The following NRXN3 variants were observed in gnomAD, a reference collection of about 807,000 sequenced individuals.
NRXN3 encodes the protein neurexin 3, also known as neurexin III.
NRXN3 carries 32 observed loss-of-function variants against 137.6 expected under a neutral mutation model. The ratio of observed to expected loss-of-function variants is 0.23; its 90% CI spans 0.18 to 0.31. NRXN3 has a LOEUF of 0.31. Among genes scored for constraint, NRXN3 ranks in the 10% least tolerant of loss-of-function variants. The probability of loss-of-function intolerance (pLI) is 1.00; values close to 1 mark genes in which losing one functional copy is unlikely to be tolerated. For synonymous variants in NRXN3, 798 were observed against 784.5 expected, an observed-to-expected ratio of 1.02 and a Z score of -0.29; for missense variants, 1,574 against 2,062.5, an observed-to-expected ratio of 0.76 and a Z score of 4.59.
intron 17 of NRXN3, among the ~76,000 whole-genome samples, chr14:79,674,647 A>T (rs1174928677): frequency 6.6e-6 from 1 of 151,990 alleles, no homozygotes; most frequent in East Asian, 1.9e-4. Flanking sequence ...ACAGAGCTCA[A>T]ATTCACATGG....
At chr14:79,060,787 A>C (rs541458945) in intron 15 of NRXN3, among the ~76,000 whole-genome samples, 1 of 151,680 alleles carries the variant, frequency 6.6e-6, no homozygotes, top group South Asian at 2.1e-4. Context: ...TTTTTCTTAT[A>C]ACCTCTCTCA....
At chr14:78,938,955 C>T (rs1021262194) in intron 10 of NRXN3, among the ~76,000 whole-genome samples, 10 of 151,506 alleles carry the variant, frequency 6.6e-5, no homozygotes, top group African/African-American at 2.4e-4. Flanking sequence ...ACGCCATTCT[C>T]CTGCCTCAGC....
At chr14:78,751,562 G>A (rs1241411659) in intron 8 of NRXN3, among the ~76,000 whole-genome samples, 1 of 152,134 alleles carries the variant, frequency 6.6e-6, no homozygotes, top group Non-Finnish European at 1.5e-5. Flanking sequence ...ATCACATTAA[G>A]CTCCTCAAAG....
intron 19 of NRXN3, among the ~76,000 whole-genome samples, chr14:79,764,173 G>T (rs951841966): frequency 6.8e-6 from 1 of 146,350 alleles, no homozygotes; most frequent in African/African-American, 2.5e-5. Context: ...GGTGGGGGGG[G>T]TGTTAAGATC....
chr14:78,460,853 C>T (rs1476984245), intron 4 of NRXN3, among the ~76,000 whole-genome samples: 1 of 151,894 alleles, frequency 6.6e-6, no homozygotes, highest in Non-Finnish European at 1.5e-5. Context: ...GAAGATAATT[C>T]AGCAGTTTAC....
At chr14:79,043,769 G>A (rs1178622388) in intron 15 of NRXN3, among the ~76,000 whole-genome samples, 3 of 152,094 alleles carry the variant, frequency 2.0e-5, no homozygotes, top group African/African-American at 4.8e-5. Flanking sequence ...GTTAAAGGCC[G>A]TTTTTGTCTC....
intron 16 of NRXN3, among the ~76,000 whole-genome samples, chr14:79,542,517 A>T (rs2153735548): frequency 6.6e-6 from 1 of 152,260 alleles, no homozygotes; most frequent in East Asian, 1.9e-4. Context: ...CTAACTGCAA[A>T]GTTCCTTGTC....
At chr14:78,923,163 C>A (rs945338742) in intron 10 of NRXN3, among the ~76,000 whole-genome samples, 1 of 152,170 alleles carries the variant, frequency 6.6e-6, no homozygotes, top group East Asian at 1.9e-4. Context: ...CCCACAAGCA[C>A]CTTCTCATGG....
intron 1 of NRXN3, among the ~76,000 whole-genome samples, chr14:78,232,609 C>T (rs1472113996): frequency 6.6e-6 from 1 of 152,104 alleles, no homozygotes; most frequent in African/African-American, 2.4e-5. Context: ...CAGCTAAGCA[C>T]CTAGTTCATT....
chr14:79,342,906 A>C (rs916696835), intron 15 of NRXN3, among the ~76,000 whole-genome samples: 20 of 152,304 alleles, frequency 1.3e-4, no homozygotes, highest in African/African-American at 4.8e-4. Context: ...CTATTACTCA[A>C]ATCAGTTTCC....
At chr14:78,491,019 G>T (rs1383292278) in intron 4 of NRXN3, among the ~76,000 whole-genome samples, 1 of 152,056 alleles carries the variant, frequency 6.6e-6, no homozygotes, top group East Asian at 1.9e-4. Context: ...CCCACAGCAG[G>T]CCCCACTCTC....
intron 4 of NRXN3, among the ~76,000 whole-genome samples, chr14:78,614,078 A>G (rs935017966): frequency 2.0e-5 from 3 of 152,222 alleles, no homozygotes. Flanking sequence ...AGTGCCGTCC[A>G]AGAGCTGTTT....
chr14:78,478,032 G>A (rs2095409663), intron 4 of NRXN3, among the ~76,000 whole-genome samples: 1 of 152,148 alleles, frequency 6.6e-6, no homozygotes, highest in South Asian at 2.1e-4. Context: ...TGACCGAATT[G>A]AGAGACAGGA....
chr14:79,049,510 G>T (rs2099638850), intron 15 of NRXN3, among the ~76,000 whole-genome samples: 2 of 152,222 alleles, frequency 1.3e-5, no homozygotes, highest in South Asian at 4.1e-4. Flanking sequence ...ATCTACGGGG[G>T]TTGACATCAA....
At chr14:78,310,448 T>C (rs2077850859) in intron 4 of NRXN3, among the ~76,000 whole-genome samples, 2 of 152,032 alleles carry the variant, frequency 1.3e-5, no homozygotes, top group African/African-American at 4.8e-5. Flanking sequence ...CATTGATCCA[T>C]CTGTAGTACA....
At chr14:78,722,802 G>A (rs2098466079) in intron 8 of NRXN3, among the ~76,000 whole-genome samples, 1 of 152,150 alleles carries the variant, frequency 6.6e-6, no homozygotes, top group African/African-American at 2.4e-5. Flanking sequence ...TCTCATAAAT[G>A]TGCTATTATA....
chr14:79,231,203 G>T (rs2072122896), intron 15 of NRXN3, among the ~76,000 whole-genome samples: 1 of 152,102 alleles, frequency 6.6e-6, no homozygotes, highest in Non-Finnish European at 1.5e-5. Flanking sequence ...ATTTTATTGG[G>T]TAGAAGAACT....
chr14:78,442,010 G>A (rs1223201344), intron 4 of NRXN3, among the ~76,000 whole-genome samples: 5 of 151,532 alleles, frequency 3.3e-5, no homozygotes, highest in African/African-American at 1.2e-4. Flanking sequence ...GCAGGAGAAT[G>A]GTGTGAACTC....
At chr14:79,308,315 C>T (rs2086488492) in intron 15 of NRXN3, among the ~76,000 whole-genome samples, 4 of 152,140 alleles carry the variant, frequency 2.6e-5, no homozygotes, top group Admixed American at 1.3e-4. Context: ...TTCTTAACCT[C>T]TCTTTGCCTC....
Sources: allele counts gnomAD v4.1 joint callset (sites outside exome capture counted in the v4.1 genomes callset), GRCh38; gene constraint gnomAD v4.1.1; transcripts MANE v1.5; gene names NCBI Gene and HGNC (gene_info 2026-07-23, HGNC 2026-07-21).